Variants in DCHS2 observed in about 807,000 individuals in gnomAD.
DCHS2 encodes protocadherin-23.
DCHS2 carries 142 observed loss-of-function variants against 182.4 expected under a neutral mutation model. The ratio of observed to expected loss-of-function variants is 0.78; its 90% confidence interval spans 0.68 to 0.89. DCHS2 has a LOEUF of 0.89. Among genes scored for constraint, DCHS2 ranks in the 40% least tolerant of loss-of-function variants. The pLI is 0.00. For missense variants in DCHS2, 4,319 were observed against 4,198.6 expected (o/e 1.03, Z -0.79); for synonymous variants, 1,740 against 1,663.3 (o/e 1.05, Z -1.12).
At chr4:154,314,175 C>T (rs1293161358) in intron 10 of DCHS2, among the ~76,000 whole-genome samples, 1 of 152,072 alleles carries the variant, frequency 6.6e-6, no homozygotes, top group Non-Finnish European at 1.5e-5. Context: ...TTACTGTTTG[C>T]AAAATCACAC....
At chr4:154,352,121 T>G (rs1471814711) in intron 3 of DCHS2, among the ~76,000 whole-genome samples, 1 of 151,934 alleles carries the variant, frequency 6.6e-6, no homozygotes, top group Non-Finnish European at 1.5e-5. Flanking sequence ...TATGAAGGAC[T>G]CCATGTTTGT....
At chr4:154,389,738 G>A (rs1579038231) in intron 1 of DCHS2, among the ~76,000 whole-genome samples, 1 of 151,168 alleles carries the variant, frequency 6.6e-6, no homozygotes, top group East Asian at 1.9e-4. Flanking sequence ...CACACTCCAC[G>A]ACCCCCACCC....
intron 13 of DCHS2, among the ~76,000 whole-genome samples, chr4:154,293,874 C>T (rs1290810474): frequency 6.6e-6 from 1 of 152,212 alleles, no homozygotes; most frequent in Admixed American, 6.5e-5. Context: ...GGGGTCAACT[C>T]ACCACACCCT....
In DCHS2 at chr4:154,422,336, C is replaced by A. The variant is rs560914894; in HGVS notation, c.2053-44892G>T. 3.3e-5 allele frequency among the ~76,000 whole-genome samples: 5 copies of A among 152,264 alleles called. No individual in the cohort carries two copies. In the East Asian group the frequency reaches 9.7e-4, roughly 29 times the overall value. On this transcript the variant is annotated intron_variant, in intron 1 of 19. Transcript: ENST00000357232. ...CATCTTCACTTGAGTGACCACAGCTCCCTCAAACTCAATATGAACTCATCA... is the reference window on the plus strand; with the variant it reads ...CATCTTCACTTGAGTGACCACAGCTACCTCAAACTCAATATGAACTCATCA...
intron 7 of DCHS2, among the ~76,000 whole-genome samples, chr4:154,324,702 C>G (rs942668747): frequency 6.6e-6 from 1 of 152,030 alleles, no homozygotes; most frequent in African/African-American, 2.4e-5. Context: ...TACTATGGAC[C>G]AAATACCTTA....
rs370343614 is a variant in DCHS2, at chr4:154,373,648, C to T, written c.2244+3605G>A. ...GCATCCCTGGGCTTGTGCCAGGTCC[C>T]GTTTTCACATAAACCTACTTCAGGA... On this transcript the variant is annotated intron_variant, in intron 2 of 19. Transcript: ENST00000357232. Among the ~76,000 whole-genome samples the T allele has an allele frequency of 8.9e-4, 99 of 111,762 alleles. No individual in the cohort carries two copies. In the Middle Eastern group the frequency reaches 0.017, roughly 20 times the overall value. The allele number at this position is 111,762 out of a possible 152,430, so 73.3% of individuals were successfully genotyped here.
intron 13 of DCHS2, among the ~76,000 whole-genome samples, chr4:154,270,825 T>G (rs1167350674): frequency 6.6e-6 from 1 of 151,786 alleles, no homozygotes; most frequent in African/African-American, 2.4e-5. Context: ...AAGGAGGCTA[T>G]GAGAGCATAA....
intron 14 of DCHS2, among the ~76,000 whole-genome samples, chr4:154,266,441 G>C (rs1455605263): frequency 1.3e-5 from 2 of 152,086 alleles, no homozygotes; most frequent in Non-Finnish European, 2.9e-5. Flanking sequence ...TGGATCACGA[G>C]GACAGGAGAT....
intron 1 of DCHS2, among the ~76,000 whole-genome samples, chr4:154,478,902 CACA>C (rs376934836): frequency 1.1e-4 from 17 of 152,076 alleles, no homozygotes; most frequent in African/African-American, 4.1e-4. Flanking sequence ...CTACGGTCTC[CACA>C]ACAAAACATA....
chr4:154,458,598 G>A (rs1237985307), intron 1 of DCHS2, among the ~76,000 whole-genome samples: 7 of 152,136 alleles, frequency 4.6e-5, no homozygotes, highest in African/African-American at 7.2e-5. Context: ...ATAAAATGCC[G>A]TCTCTTGCAC....
At chr4:154,322,802 T>G (rs1451702875) in intron 7 of DCHS2, 1 of 242,100 alleles carries the variant, frequency 4.1e-6, no homozygotes, top group East Asian at 9.9e-5. Flanking sequence ...GCTTCTCCCA[T>G]TTTTTTTGAA....
chr4:154,449,517 C>G (rs1343518047), intron 1 of DCHS2, among the ~76,000 whole-genome samples: 1 of 151,858 alleles, frequency 6.6e-6, no homozygotes, highest in Non-Finnish European at 1.5e-5. Flanking sequence ...ACTACAGGTG[C>G]GTGCCACCAC....
chr4:154,384,272 C>A, intron 1 of DCHS2: 1 of 1,496,734 alleles, frequency 6.7e-7, no homozygotes, highest in Non-Finnish European at 8.9e-7. Context: ...ATTTGGCAGC[C>A]GTTCACACAG....
At chr4:154,395,688 A>G (rs904576146) in intron 1 of DCHS2, among the ~76,000 whole-genome samples, 1 of 152,230 alleles carries the variant, frequency 6.6e-6, no homozygotes, top group Non-Finnish European at 1.5e-5. Flanking sequence ...AAGCACAAGC[A>G]AATTTTCTTT....
chr4:154,263,909 A>G (rs1336130714), intron 14 of DCHS2, among the ~76,000 whole-genome samples: 1 of 152,104 alleles, frequency 6.6e-6, no homozygotes, highest in East Asian at 1.9e-4. Flanking sequence ...ACTTCTAATT[A>G]CAATGTTCTT....
intron 9 of DCHS2, among the ~76,000 whole-genome samples, chr4:154,319,493 C>G (rs1455226704): frequency 1.3e-5 from 2 of 151,190 alleles, no homozygotes; most frequent in Non-Finnish European, 3.0e-5. Flanking sequence ...TAAAAAAACC[C>G]TAATTTTAAA....
rs965251399 is a variant in DCHS2 at position 154,490,689 on chromosome 4, A to G, written c.667T>C (p.Leu223=). ...AGTGGCCCCGGAGTCCGGTAGCGCA[A>G]CTGGAAGAACGGGCCTGCGGGGTCC... ...PKDPAGPFFQ[L]RYRTPGPLPS... The change falls in exon 1 of 20, where the codon TTG becomes CTG. Residue 223 remains leucine, a synonymous_variant. Transcript: ENST00000357232. 10 of 1,551,440 alleles carry G rather than the reference A, an allele frequency of 6.4e-6. No homozygotes were observed. In the African/African-American group the frequency reaches 9.6e-5, roughly 15 times the overall value.
intron 1 of DCHS2, among the ~76,000 whole-genome samples, chr4:154,434,416 T>G (rs1385099435): frequency 6.6e-6 from 1 of 152,128 alleles, no homozygotes; most frequent in African/African-American, 2.4e-5. Context: ...AGTGAGACCC[T>G]GTCTCAGAAA....
At chr4:154,349,819 T>C (rs944254168) in intron 3 of DCHS2, among the ~76,000 whole-genome samples, 5 of 152,214 alleles carry the variant, frequency 3.3e-5, no homozygotes, top group Non-Finnish European at 7.3e-5. Context: ...ATTTAATTAA[T>C]AAATCAGAAG....
Sources: gnomAD v4.1 joint callset for allele counts (sites outside exome capture counted in the v4.1 genomes callset) on GRCh38, gnomAD v4.1.1 for gene constraint, MANE v1.5 for transcripts, NCBI Gene and HGNC (gene_info 2026-07-23, HGNC 2026-07-21) for gene names.